The following SVIL variants were observed in gnomAD, a reference collection of about 807,000 sequenced individuals.
SVIL encodes the protein supervillin.
A neutral mutation model predicts 240.4 loss-of-function variants in SVIL; 101 were observed. The ratio of observed to expected loss-of-function variants is 0.42; its 90% CI spans 0.36 to 0.50. The LOEUF is 0.50. SVIL is among the 20% of genes least tolerant of loss of function. The pLI is 0.01. For missense variants in SVIL, 2,512 were observed against 2,818.7 expected, an observed-to-expected ratio of 0.89 and a Z score of 2.46; for synonymous variants, 999 against 1,100.0, an observed-to-expected ratio of 0.91 and a Z score of 1.82.
chr10:29,728,670 A>G (rs910049047), intron 1 of SVIL, among the ~76,000 whole-genome samples: 2 of 152,216 alleles, frequency 1.3e-5, no homozygotes, highest in African/African-American at 2.4e-5. Flanking sequence ...AAACAAAGCC[A>G]TGTATTGGAA....
chr10:29,471,302 A>G (rs1252201603), intron 30 of SVIL, 59 bp from the exon 31 acceptor site: 3 of 1,309,108 alleles, frequency 2.3e-6, no homozygotes, highest in Non-Finnish European at 3.2e-6. Flanking sequence ...AGTCCTAAAA[A>G]CAATACATGC....
chr10:29,524,319 C>T (rs1042878168), intron 14 of SVIL, among the ~76,000 whole-genome samples, 153 bp downstream of exon 14: 6 of 152,178 alleles, frequency 3.9e-5, no homozygotes, highest in African/African-American at 1.4e-4. Flanking sequence ...GTAGAATTCT[C>T]ATTTTTAGGA....
In SVIL at chr10:29,555,055, T is replaced by C. The variant is rs1194615153; in HGVS notation, c.4A>G (p.Lys2Glu). M[K>E]RKERIARRLE... Reference sequence around the variant, plus strand: ...CTCCCACTATAAAGATCTTACCTTTTCATTTCTAAGAATTCTTTCTTCTTT... The same window carrying C: ...CTCCCACTATAAAGATCTTACCTTTCCATTTCTAAGAATTCTTTCTTCTTT... Residue 2 changes from lysine to glutamate, a missense_variant, in exon 4 of 38, where the codon AAA becomes GAA. Physicochemically the swap from Lys to Glu is moderately conservative, Grantham distance 56. Transcript: ENST00000355867. 6.2e-7 allele frequency: 1 copy of C among 1,613,028 alleles called. No individual in the cohort carries two copies. The highest frequency in any genetic ancestry group is 1.7e-5 in the Admixed American group (1 of 59,638).
intron 1 of SVIL, among the ~76,000 whole-genome samples, chr10:29,723,814 A>G (rs1964125610): frequency 6.6e-6 from 1 of 152,226 alleles, no homozygotes; most frequent in Non-Finnish European, 1.5e-5. Context: ...CATTGAGAAC[A>G]TATGAAAAAA....
chr10:29,492,031 T>C (rs1389908589), intron 21 of SVIL, among the ~76,000 whole-genome samples: 1 of 152,200 alleles, frequency 6.6e-6, no homozygotes, highest in East Asian at 1.9e-4. Context: ...CTGACAATTT[T>C]GCAGTTAAGA....
At chr10:29,505,026 C>G (rs978120779) in intron 17 of SVIL, among the ~76,000 whole-genome samples, 1 of 152,060 alleles carries the variant, frequency 6.6e-6, no homozygotes, top group East Asian at 1.9e-4. Context: ...AAGAAAAAAG[C>G]TTTCAAGCCA....
intron 1 of SVIL, among the ~76,000 whole-genome samples, chr10:29,626,072 G>T (rs1957853321): frequency 6.6e-6 from 1 of 152,148 alleles, no homozygotes; most frequent in Admixed American, 6.5e-5. Flanking sequence ...ATTGGTCAAA[G>T]GATGCAAACT....
chr10:29,522,454 C>A lies in SVIL; in HGVS notation c.3345G>T (p.Glu1115Asp), dbSNP rs1950620132. Residue 1115 changes from glutamate (E) to aspartate (D), a missense_variant, in exon 16 of 38, where the codon GAG (glutamate) becomes GAT (aspartate). Glu to Asp is a conservative substitution (Grantham distance 45). Transcript: ENST00000355867. Reference protein sequence around the residue: ...AAGEIKTPTGEGLLDSPSKTM... With the variant: ...AAGEIKTPTGDGLLDSPSKTM... ...TTTTGCTGGGTGAGTCAAGAAGGCC[C>A]TCCCCTGTCGGCGTTTTGATCTCTC... The A allele has an allele frequency of 6.2e-7, 1 of 1,614,206 alleles. No homozygotes were observed. Among genetic ancestry groups the A allele is most frequent in the Non-Finnish European group, 8.5e-7 (1 of 1,180,038 alleles).
chr10:29,476,103 A>C (rs1193264646), intron 29 of SVIL, among the ~76,000 whole-genome samples: 1 of 152,224 alleles, frequency 6.6e-6, no homozygotes, highest in African/African-American at 2.4e-5. Flanking sequence ...AGGAACCATC[A>C]ATGACTAGAT....
intron 1 of SVIL, among the ~76,000 whole-genome samples, chr10:29,707,906 G>A (rs1963003373): frequency 6.6e-6 from 1 of 152,014 alleles, no homozygotes; most frequent in African/African-American, 2.4e-5. Flanking sequence ...AAATATCAGG[G>A]CTGTGATTTA....
At position 29,512,917 on chromosome 10, in the gene SVIL, T is replaced by C. The variant is rs182187012; in HGVS notation, c.3390-56A>G. The C allele has an allele frequency of 5.0e-4, 791 of 1,586,806 alleles. 5 individuals carry two copies. In the African/African-American group the frequency reaches 9.3e-3, roughly 19 times the overall value. ...TTCAGCACCAAACTCTTCCTTGTGATGGAACCATAATCTAGGTAAGAGAGG... is the reference window on the plus strand; with the variant it reads ...TTCAGCACCAAACTCTTCCTTGTGACGGAACCATAATCTAGGTAAGAGAGG... On this transcript the variant is annotated intron_variant, in intron 16 of 37. Coordinates refer to ENST00000355867, the MANE Select transcript of SVIL (RefSeq NM_021738.3).
At chr10:29,671,429 C>T (rs1235236912) in intron 2 of SVIL, among the ~76,000 whole-genome samples, 1 of 152,228 alleles carries the variant, frequency 6.6e-6, no homozygotes, top group East Asian at 1.9e-4. Context: ...AAAGAAAATT[C>T]GCTGTGTTGC....
At chr10:29,459,755 G>T (rs896980706) in intron 36 of SVIL, among the ~76,000 whole-genome samples, 1 of 152,276 alleles carries the variant, frequency 6.6e-6, no homozygotes, top group African/African-American at 2.4e-5. Flanking sequence ...ACTAAGAGCT[G>T]TTGCTCATAT....
At chr10:29,579,582 C>T (rs1364454301) in intron 1 of SVIL, among the ~76,000 whole-genome samples, 2 of 152,206 alleles carry the variant, frequency 1.3e-5, no homozygotes, top group Admixed American at 6.5e-5. Flanking sequence ...AAAGCTAAGG[C>T]GTTAGATGAC....
At chr10:29,684,419 C>T (rs1285284565) in intron 2 of SVIL, among the ~76,000 whole-genome samples, 10 of 151,800 alleles carry the variant, frequency 6.6e-5, no homozygotes, top group Non-Finnish European at 1.0e-4. Flanking sequence ...TACACTGGTT[C>T]GATCCAGAAA....
chr10:29,698,898 T>G (rs1439534136), intron 1 of SVIL, among the ~76,000 whole-genome samples: 2 of 152,194 alleles, frequency 1.3e-5, no homozygotes, highest in African/African-American at 2.4e-5. Flanking sequence ...CTGGTGACTC[T>G]GCAGTGAATC....
At chr10:29,464,828 C>T (rs993226995) in intron 34 of SVIL, among the ~76,000 whole-genome samples, 7 of 119,896 alleles carry the variant, frequency 5.8e-5, no homozygotes, top group African/African-American at 2.3e-4. Flanking sequence ...CAAACACAAA[C>T]TGAGAGGCAG....
intron 1 of SVIL, among the ~76,000 whole-genome samples, chr10:29,708,085 G>A (rs1206372859): frequency 6.6e-6 from 1 of 151,310 alleles, no homozygotes; most frequent in Non-Finnish European, 1.5e-5. Context: ...GTGAAACCCC[G>A]TCTCCACTAA....
intron 3 of SVIL, among the ~76,000 whole-genome samples, chr10:29,642,051 C>A (rs1958502030): frequency 6.6e-6 from 1 of 152,146 alleles, no homozygotes; most frequent in South Asian, 2.1e-4. Context: ...CTTCCTATTC[C>A]TGTCTAGTTT....
Sources: gnomAD v4.1 joint callset for allele counts (sites outside exome capture counted in the v4.1 genomes callset) on GRCh38, gnomAD v4.1.1 for gene constraint, MANE v1.5 for transcripts, NCBI Gene and HGNC (gene_info 2026-07-23, HGNC 2026-07-21) for gene names.